The following RANBP2 variants were observed in gnomAD, a reference collection of about 807,000 sequenced individuals.
The protein encoded by RANBP2 is E3 SUMO-protein ligase RanBP2.
A neutral mutation model predicts 303.6 loss-of-function variants in RANBP2; 57 were observed. The ratio of observed to expected loss-of-function variants is 0.19; its 90% CI spans 0.15 to 0.23. The LOEUF is 0.23. RANBP2 is among the 10% of genes least tolerant of loss of function. The pLI, the probability that RANBP2 is intolerant of heterozygous loss-of-function variation, is 1.00. For missense variants in RANBP2, 3,138 were observed against 3,780.8 expected (o/e 0.83, Z 4.46); for synonymous variants, 1,167 against 1,301.5 (o/e 0.90, Z 2.23).
the RANBP2 span, among the ~76,000 whole-genome samples, chr2:109,529,325 G>A: frequency 6.6e-6 from 1 of 152,230 alleles, no homozygotes; most frequent in Admixed American, 6.5e-5. Flanking sequence ...GAGTGCAGAG[G>A]AGGAGGAAGG....
the RANBP2 span, among the ~76,000 whole-genome samples, chr2:109,730,764 G>GTC: frequency 1.7e-3 from 254 of 147,376 alleles, 1 homozygote; most frequent in African/African-American, 5.8e-3. Flanking sequence ...TCTCTCTGGG[G>GTC]TCTCTCTCTC....
chr2:109,268,556 C>G, the RANBP2 span, among the ~76,000 whole-genome samples: 1 of 152,198 alleles, frequency 6.6e-6, no homozygotes, highest in Middle Eastern at 3.2e-3. Flanking sequence ...CTCTCCCTCC[C>G]CAACAGGGCT....
the RANBP2 span, among the ~76,000 whole-genome samples, chr2:109,074,574 GC>G: frequency 2.0e-5 from 3 of 149,358 alleles, no homozygotes; most frequent in African/African-American, 7.3e-5. Flanking sequence ...GGTGGCATGT[GC>G]CTGTAATCCC....
At chr2:108,751,477 T>G in intron 10 of RANBP2, 32 bp downstream of exon 10, 1 of 1,611,828 alleles carries the variant, frequency 6.2e-7, no homozygotes, top group African/African-American at 1.3e-5. Flanking sequence ...TTAAATATTC[T>G]GAATTTTGTT....
At chr2:109,257,195 C>T in the RANBP2 span, among the ~76,000 whole-genome samples, 1 of 152,160 alleles carries the variant, frequency 6.6e-6, no homozygotes, top group Non-Finnish European at 1.5e-5. Flanking sequence ...TTCTCTTGCT[C>T]ATGTGGACAT....
the RANBP2 span, among the ~76,000 whole-genome samples, chr2:109,506,892 G>A: frequency 6.6e-6 from 1 of 152,192 alleles, no homozygotes; most frequent in Non-Finnish European, 1.5e-5. Flanking sequence ...TCCAATGCTT[G>A]GTGTGAGGCC....
chr2:109,594,112 C>T, the RANBP2 span, among the ~76,000 whole-genome samples: 1 of 152,054 alleles, frequency 6.6e-6, no homozygotes, highest in Non-Finnish European at 1.5e-5. Flanking sequence ...AGTTGTAAAC[C>T]AAATGGATAT....
the RANBP2 span, among the ~76,000 whole-genome samples, chr2:109,184,288 C>T: frequency 6.6e-6 from 1 of 152,182 alleles, no homozygotes; most frequent in Admixed American, 6.5e-5. Flanking sequence ...GTTCCTTCTC[C>T]CTTACTTCAA....
chr2:109,091,348 A>G, the RANBP2 span, among the ~76,000 whole-genome samples: 2 of 152,164 alleles, frequency 1.3e-5, no homozygotes, highest in African/African-American at 4.8e-5. Context: ...GTGTCTCATC[A>G]CTGCTCCCTC....
chr2:109,503,570 AC>A, the RANBP2 span: 1 of 152,178 alleles, frequency 6.6e-6, no homozygotes, highest in Non-Finnish European at 1.5e-5. Context: ...CTCTCTATTT[AC>A]CATTATTGCC....
chr2:109,246,393 A>G, the RANBP2 span, among the ~76,000 whole-genome samples: 4 of 152,296 alleles, frequency 2.6e-5, no homozygotes, highest in East Asian at 7.7e-4. Context: ...CTCTTTAGTA[A>G]GACACTAATC....
chr2:109,119,452 T>C, the RANBP2 span, among the ~76,000 whole-genome samples: 1 of 152,352 alleles, frequency 6.6e-6, no homozygotes, highest in Admixed American at 6.5e-5. Context: ...TAGGATATAC[T>C]TCTGCCAAGA....
the RANBP2 span, among the ~76,000 whole-genome samples, chr2:109,452,875 C>CT: frequency 7.3e-6 from 1 of 137,772 alleles, no homozygotes; most frequent in Non-Finnish European, 1.5e-5. Flanking sequence ...AGGCTGGTGC[C>CT]AGGAGGCTGG....
At chr2:109,509,692 C>T in the RANBP2 span, among the ~76,000 whole-genome samples, 1 of 152,044 alleles carries the variant, frequency 6.6e-6, no homozygotes, top group East Asian at 1.9e-4. Flanking sequence ...TCATCCTCCA[C>T]CCCCTGCACC....
At chr2:109,264,577 G>A in the RANBP2 span, among the ~76,000 whole-genome samples, 7 of 152,372 alleles carry the variant, frequency 4.6e-5, no homozygotes, top group Admixed American at 1.3e-4. Context: ...CTCAAGGCAC[G>A]ATTTAAAACC....
At chr2:108,723,283 C>CTTTT (rs796995748) in intron 1 of RANBP2, among the ~76,000 whole-genome samples, 2 of 142,032 alleles carry the variant, frequency 1.4e-5, no homozygotes, top group Non-Finnish European at 3.1e-5. Flanking sequence ...ATTTTCTTTT[C>CTTTT]TTTTTTTTTT....
At chr2:109,041,588 T>C in the RANBP2 span, among the ~76,000 whole-genome samples, 1 of 150,758 alleles carries the variant, frequency 6.6e-6, no homozygotes, top group Admixed American at 6.6e-5. Flanking sequence ...AGTGGCTCGA[T>C]CTTGGCTCAC....
chr2:109,304,207 T>C, the RANBP2 span, among the ~76,000 whole-genome samples: 4,109 of 152,238 alleles, frequency 0.027, 192 homozygotes, highest in African/African-American at 0.094. Context: ...AACTTACTCA[T>C]CTTGCAGAAC....
At chr2:108,874,342 G>A in the RANBP2 span, among the ~76,000 whole-genome samples, 1 of 152,022 alleles carries the variant, frequency 6.6e-6, no homozygotes, top group Non-Finnish European at 1.5e-5. Flanking sequence ...CATGGGCTTT[G>A]TTTCCTCATC....
Sources: gnomAD v4.1 joint callset for allele counts (sites outside exome capture counted in the v4.1 genomes callset) on GRCh38, gnomAD v4.1.1 for gene constraint, MANE v1.5 for transcripts, NCBI Gene and HGNC (gene_info 2026-07-23, HGNC 2026-07-21) for gene names.